Variants in CHODL observed in about 807,000 individuals in gnomAD.
The protein encoded by CHODL is transmembrane protein MT75.
In CHODL, 29 loss-of-function variants were observed where a neutral mutation model predicts 34.5. The ratio of observed to expected loss-of-function variants is 0.84; its 90% CI spans 0.63 to 1.15. The LOEUF is 1.15. CHODL is among the 50% of genes most tolerant of loss of function. The pLI is 0.00. For missense variants in CHODL, 332 were observed against 332.5 expected (o/e 1.00, Z 0.01); for synonymous variants, 125 against 116.1 (o/e 1.08, Z -0.49).
chr21:18,222,394 A>C (rs1303341526), intron 2 of CHODL, among the ~76,000 whole-genome samples: 1 of 152,058 alleles, frequency 6.6e-6, no homozygotes, highest in African/African-American at 2.4e-5. Flanking sequence ...TATGGGCTTT[A>C]CTCAGAAAAT....
Position 18,126,769 on chromosome 21 carries a change from C to A in CHODL, c.-45+98798C>A, listed in dbSNP as rs146175159. Among the ~76,000 whole-genome samples, 3 of 152,270 alleles carry A rather than the reference C, an allele frequency of 2.0e-5. No individual in the cohort carries two copies. The East Asian group carries it at 5.8e-4, about 29-fold the overall frequency. Reference sequence around the variant, plus strand: ...TAAATTAAGAGGATTATTAAATTTACAGATATTAATGCAAATCATTCTTCA... The same window carrying A: ...TAAATTAAGAGGATTATTAAATTTAAAGATATTAATGCAAATCATTCTTCA... On this transcript the variant is annotated intron_variant, in intron 2 of 6. Coordinates refer to the CHODL transcript ENST00000400127.
intron 4 of CHODL, among the ~76,000 whole-genome samples, chr21:18,261,770 C>T (rs576575675): frequency 1.3e-5 from 2 of 151,994 alleles, no homozygotes; most frequent in African/African-American, 2.4e-5. Flanking sequence ...TACAGTGTCA[C>T]GGTTTTTTAA....
intron 2 of CHODL, among the ~76,000 whole-genome samples, chr21:18,145,309 C>G (rs951603713): frequency 6.7e-6 from 1 of 148,322 alleles, no homozygotes; most frequent in Non-Finnish European, 1.5e-5. Context: ...CGGTGGCGGG[C>G]GCCTGTAGTC....
chr21:18,242,481 A>C (rs963577297), upstream of CHODL, among the ~76,000 whole-genome samples: 1 of 151,264 alleles, frequency 6.6e-6, no homozygotes, highest in South Asian at 2.1e-4. Context: ...TCCAAAGAGC[A>C]TGCCTAGTAA....
intron 2 of CHODL, among the ~76,000 whole-genome samples, chr21:18,161,257 T>A (rs1202122554): frequency 6.6e-6 from 1 of 152,210 alleles, no homozygotes; most frequent in Admixed American, 6.5e-5. Flanking sequence ...TGGTACTGGT[T>A]TTTTGTAAAA....
At chr21:18,242,511 A>G (rs2074091988), upstream of CHODL, among the ~76,000 whole-genome samples, 1 of 150,760 alleles carries the variant, frequency 6.6e-6, no homozygotes, top group South Asian at 2.1e-4. Context: ...TTTATATTTA[A>G]GACAACTCAA....
intron 2 of CHODL, among the ~76,000 whole-genome samples, chr21:18,154,122 AC>A (rs112964868): frequency 0.026 from 3,991 of 152,306 alleles, 174 homozygotes; most frequent in African/African-American, 0.091. Context: ...TGGAGAGGAA[AC>A]AGGTTTAATT....
intron 1 of CHODL, among the ~76,000 whole-genome samples, chr21:17,960,015 TG>T: frequency 6.6e-6 from 1 of 152,232 alleles, no homozygotes; most frequent in East Asian, 1.9e-4. Context: ...GAGGAGCAGA[TG>T]ATTATGAGAT....
At chr21:18,231,887 G>A (rs548235600) in intron 2 of CHODL, among the ~76,000 whole-genome samples, 7 of 151,820 alleles carry the variant, frequency 4.6e-5, no homozygotes, top group Admixed American at 6.6e-5. Flanking sequence ...GGTAGTTACC[G>A]CTGGAGAAAC....
At chr21:18,021,163 C>G (rs1205466981) in intron 1 of CHODL, among the ~76,000 whole-genome samples, 2 of 152,146 alleles carry the variant, frequency 1.3e-5, no homozygotes, top group South Asian at 2.1e-4. Flanking sequence ...TTGGTTAGGT[C>G]TGACTACTTA....
intron 2 of CHODL, among the ~76,000 whole-genome samples, chr21:18,208,660 C>T (rs901660996): frequency 6.6e-6 from 1 of 152,018 alleles, no homozygotes; most frequent in African/African-American, 2.4e-5. Context: ...TTCAAAGGGA[C>T]TTGGGTATTA....
chr21:18,260,416 T>C (rs2074366588), intron 4 of CHODL, 130 bp downstream of exon 4: 1 of 560,790 alleles, frequency 1.8e-6, no homozygotes, highest in Non-Finnish European at 3.1e-6. Context: ...TATGGACATT[T>C]ACTTTTGAAC....
At chr21:18,032,855 G>A (rs545723042) in intron 2 of CHODL, among the ~76,000 whole-genome samples, 65 of 151,996 alleles carry the variant, frequency 4.3e-4, no homozygotes, top group African/African-American at 1.4e-3. Context: ...TAAAGGTGAC[G>A]GCATGACATT....
chr21:18,225,109 G>A (rs1329271861), intron 2 of CHODL, among the ~76,000 whole-genome samples: 1 of 152,058 alleles, frequency 6.6e-6, no homozygotes, highest in African/African-American at 2.4e-5. Context: ...TTACATTGTA[G>A]TGCTGACTTT....
chr21:17,942,947 T>C (rs542480284), intron 1 of CHODL, among the ~76,000 whole-genome samples: 2 of 152,336 alleles, frequency 1.3e-5, no homozygotes, highest in Non-Finnish European at 2.9e-5. Context: ...ATAGCACTTC[T>C]ACCTTCACTC....
At chr21:17,932,549 A>G (rs1454152338) in intron 1 of CHODL, among the ~76,000 whole-genome samples, 2 of 152,258 alleles carry the variant, frequency 1.3e-5, no homozygotes, top group Admixed American at 1.3e-4. Flanking sequence ...AAGTCGTGAA[A>G]TCAGCCTAAG....
At chr21:17,963,167 C>G (rs1242450294) in intron 1 of CHODL, among the ~76,000 whole-genome samples, 4 of 152,048 alleles carry the variant, frequency 2.6e-5, no homozygotes, top group Non-Finnish European at 5.9e-5. Flanking sequence ...TTTCTTCATT[C>G]TCTTATTCCA....
intron 1 of CHODL, among the ~76,000 whole-genome samples, chr21:18,006,364 A>G (rs1334676550): frequency 6.6e-6 from 1 of 151,938 alleles, no homozygotes; most frequent in Admixed American, 6.6e-5. Flanking sequence ...AAGAAAAAAA[A>G]AAAAGAAAAA....
At chr21:18,131,076 T>A (rs1466843906) in intron 2 of CHODL, among the ~76,000 whole-genome samples, 7 of 151,934 alleles carry the variant, frequency 4.6e-5, no homozygotes, top group African/African-American at 1.7e-4. Flanking sequence ...AATGGCCGCC[T>A]GGCTTGCAAA....
Sources: allele counts gnomAD v4.1 joint callset (sites outside exome capture counted in the v4.1 genomes callset), GRCh38; gene constraint gnomAD v4.1.1; transcripts MANE v1.5; gene names NCBI Gene and HGNC (gene_info 2026-07-23, HGNC 2026-07-21).